SLC15A5: variants seen among roughly 807,000 people sequenced by gnomAD.
SLC15A5 encodes the protein solute carrier family 15 member 5.
SLC15A5 carries 58 observed loss-of-function variants against 56.1 expected under a neutral mutation model. The ratio of observed to expected loss-of-function variants is 1.03; its 90% confidence interval spans 0.84 to 1.29. The LOEUF (loss-of-function observed/expected upper bound fraction) is 1.29. SLC15A5 is among the 50% of genes most tolerant of loss of function. The pLI is 0.00. For synonymous variants in SLC15A5, 264 were observed against 250.5 expected (o/e 1.05, Z -0.51); for missense variants, 681 against 672.1 (o/e 1.01, Z -0.15).
In SLC15A5 at chr12:16,224,512, A is replaced by G. The variant is rs982204672; in HGVS notation, c.1253T>C (p.Leu418Pro). ...RKHFPAVEQP[L>P]SGKVLTVSSM... is the part of the protein sequence containing the mutation. The stretch of plus-strand genomic sequence containing the variant: ...GGAAACAGTGAGAACTTTTCCTGAA[A>G]GGGGCTGCTCCACTGCAGGGAAATG... Residue 418 changes from leucine to proline, a missense_variant, in exon 6 of 9, where the codon CTT becomes CCT. Leu to Pro is a moderately conservative substitution (Grantham distance 98). Coordinates refer to ENST00000344941, the MANE Select transcript of SLC15A5 (RefSeq NM_001170798.1). 1 of 1,537,118 alleles carries G rather than the reference A, an allele frequency of 6.5e-7. No homozygotes were observed. Among genetic ancestry groups the G allele is most frequent in the African/African-American group, 1.4e-5 (1 of 73,038 alleles).
intron 1 of SLC15A5, 112 bp downstream of exon 1, chr12:16,277,213 C>T: frequency 9.2e-7 from 1 of 1,082,622 alleles, no homozygotes; most frequent in South Asian, 1.8e-5. Context: ...ATTCTTACTT[C>T]ATTTATCACA....
At chr12:16,258,541 T>A (rs1277055504) in intron 2 of SLC15A5, among the ~76,000 whole-genome samples, 1 of 152,170 alleles carries the variant, frequency 6.6e-6, no homozygotes, top group Non-Finnish European at 1.5e-5. Flanking sequence ...AAAGAAGAGA[T>A]CTTAACTTTT....
Position 16,239,887 on chromosome 12 carries a change from A to T in SLC15A5, c.976-20T>A, listed in dbSNP as rs1379202344. On this transcript the variant is annotated intron_variant, in intron 4 of 8. Coordinates refer to ENST00000344941, the MANE Select transcript of SLC15A5 (RefSeq NM_001170798.1). ...AGGAATCTGTATTCGAGAGGGAAAC[A>T]TCCATGCATTAAGACAGGGGTTTAA... is the stretch of plus-strand genomic sequence containing the variant. The T allele has an allele frequency of 6.5e-7, 1 of 1,531,418 alleles. No homozygotes were observed. The highest frequency in any genetic ancestry group is 8.7e-7 in the Non-Finnish European group (1 of 1,143,236). The allele number at this position is 1,531,418 out of a possible 1,614,324, so 94.9% of individuals were successfully genotyped here.
At position 16,275,811 on chromosome 12, in the gene SLC15A5, C is replaced by A. The variant is rs1034316265; in HGVS notation, c.361+1514G>T. Among the ~76,000 whole-genome samples the A allele has an allele frequency of 2.6e-5, 4 of 152,012 alleles. No individual in the cohort carries two copies. The East Asian group carries it at 7.7e-4, about 29-fold the overall frequency. On this transcript the variant is annotated intron_variant, in intron 1 of 8. Transcript: ENST00000344941. ...GACTGATAGAAATTACCATGTTAAA[C>A]AAGAAGTCAACAAATGCTACTGGTG...
At chr12:16,229,708 G>A (rs571993721) in intron 5 of SLC15A5, among the ~76,000 whole-genome samples, 116 of 148,702 alleles carry the variant, frequency 7.8e-4, no homozygotes, top group Admixed American at 1.9e-3. Context: ...AAATGACCAC[G>A]TTTAATATTT....
chr12:16,211,855 C>G (rs1864084208), intron 7 of SLC15A5, among the ~76,000 whole-genome samples: 1 of 152,230 alleles, frequency 6.6e-6, no homozygotes, highest in Admixed American at 6.5e-5. Context: ...TAACAGTTAT[C>G]TGTCTGCACA....
chr12:16,221,734 G>GA (rs1864189686), intron 6 of SLC15A5, among the ~76,000 whole-genome samples: 1 of 152,214 alleles, frequency 6.6e-6, no homozygotes, highest in Non-Finnish European at 1.5e-5. Flanking sequence ...GAAGCAGGGA[G>GA]AAAAGTTCAG....
chr12:16,192,042 T>A (rs1283048752), intron 8 of SLC15A5, among the ~76,000 whole-genome samples: 2 of 152,118 alleles, frequency 1.3e-5, no homozygotes, highest in Non-Finnish European at 2.9e-5. Flanking sequence ...AGCATGGGCT[T>A]CAGAGACAAA....
intron 7 of SLC15A5, among the ~76,000 whole-genome samples, chr12:16,209,749 A>G (rs1467183679): frequency 6.6e-6 from 1 of 152,160 alleles, no homozygotes; most frequent in African/African-American, 2.4e-5. Context: ...TTGATTCTAC[A>G]TCTAAAATAT....
chr12:16,231,632 A>G (rs1003344065), intron 5 of SLC15A5, among the ~76,000 whole-genome samples: 1 of 152,216 alleles, frequency 6.6e-6, no homozygotes, highest in African/African-American at 2.4e-5. Flanking sequence ...CAAGTCTCCA[A>G]TTCTATCCCC....
intron 6 of SLC15A5, among the ~76,000 whole-genome samples, chr12:16,217,651 T>G (rs1864143195): frequency 6.6e-6 from 1 of 152,182 alleles, no homozygotes; most frequent in African/African-American, 2.4e-5. Context: ...AGTACAATGC[T>G]GACTCGTAGG....
At chr12:16,261,237 C>G (rs1462257393) in intron 2 of SLC15A5, among the ~76,000 whole-genome samples, 1 of 152,116 alleles carries the variant, frequency 6.6e-6, no homozygotes, top group African/African-American at 2.4e-5. Context: ...CCTCTTACCC[C>G]TTCTCATTTC....
intron 7 of SLC15A5, among the ~76,000 whole-genome samples, chr12:16,195,970 TA>T (rs1863890905): frequency 6.6e-6 from 1 of 152,036 alleles, no homozygotes; most frequent in South Asian, 2.1e-4. Flanking sequence ...ATAGCACAAA[TA>T]AATAAAACGG....
At chr12:16,239,156 A>G (rs1864385524) in intron 5 of SLC15A5, among the ~76,000 whole-genome samples, 1 of 152,196 alleles carries the variant, frequency 6.6e-6, no homozygotes. Flanking sequence ...ATCAGAATGG[A>G]CTTCCATCCT....
chr12:16,261,581 G>C lies in SLC15A5; in HGVS notation c.585-3711C>G, dbSNP rs184533784. Among the ~76,000 whole-genome samples, 108 of 152,182 alleles carry C rather than the reference G, an allele frequency of 7.1e-4. No individual in the cohort carries two copies. The East Asian group carries it at 0.017, about 24-fold the overall frequency. On this transcript the variant is annotated intron_variant, in intron 2 of 8. Transcript: ENST00000344941. The stretch of plus-strand genomic sequence containing the variant: ...ACAGACATAGACATTAATTTCTCTT[G>C]GTTAAAACCTAGGAGTGTAATGGCT...
At chr12:16,244,899 T>G (rs768949662) in intron 3 of SLC15A5, 99 bp from the exon 4 acceptor site, 3 of 1,300,638 alleles carry the variant, frequency 2.3e-6, no homozygotes, top group Admixed American at 4.6e-5. Flanking sequence ...TTCACGGCAG[T>G]GAAGTGAGAA....
chr12:16,241,485 A>C (rs1864414629), intron 4 of SLC15A5, among the ~76,000 whole-genome samples: 1 of 152,214 alleles, frequency 6.6e-6, no homozygotes, highest in South Asian at 2.1e-4. Context: ...CCACATTTTC[A>C]CTGAGATTCT....
chr12:16,256,676 G>A (rs1295449776), intron 3 of SLC15A5, among the ~76,000 whole-genome samples: 1 of 151,922 alleles, frequency 6.6e-6, no homozygotes, highest in Non-Finnish European at 1.5e-5. Flanking sequence ...TGGCTAACAC[G>A]GTGAAACCCC....
chr12:16,231,334 G>A (rs1014858897), intron 5 of SLC15A5, among the ~76,000 whole-genome samples: 1 of 152,022 alleles, frequency 6.6e-6, no homozygotes, highest in African/African-American at 2.4e-5. Context: ...TTTGGAAAAG[G>A]TAAAAAGTCA....
Sources: gnomAD v4.1 joint callset for allele counts (sites outside exome capture counted in the v4.1 genomes callset) on GRCh38, gnomAD v4.1.1 for gene constraint, MANE v1.5 for transcripts, NCBI Gene and HGNC (gene_info 2026-07-23, HGNC 2026-07-21) for gene names.